PCDHGB3: variants seen among roughly 807,000 people sequenced by gnomAD.
PCDHGB3 encodes protocadherin gamma-B3.
A neutral mutation model predicts 59.2 loss-of-function variants in PCDHGB3; 40 were observed. That is an observed-to-expected ratio of 0.68 (90% CI 0.52 to 0.88). The LOEUF (loss-of-function observed/expected upper bound fraction) is 0.88, where lower values mean the gene tolerates loss of function less well. Among genes scored for constraint, PCDHGB3 ranks in the 40% least tolerant of loss-of-function variants. The pLI, the probability that PCDHGB3 is intolerant of heterozygous loss-of-function variation, is 0.00. For synonymous variants in PCDHGB3, 581 were observed against 503.6 expected (o/e 1.15, Z -2.06); for missense variants, 1,309 against 1,187.9 (o/e 1.10, Z -1.50).
chr5:141,383,085 C>G (rs773972778), intron 1 of PCDHGB3: 15 of 1,613,862 alleles, frequency 9.3e-6, no homozygotes, highest in Non-Finnish European at 1.3e-5. Context: ...TGGCGGAGCG[C>G]GGAGTCCGCA....
At chr5:141,466,508 T>C (rs2099123841) in intron 1 of PCDHGB3, among the ~76,000 whole-genome samples, 1 of 152,190 alleles carries the variant, frequency 6.6e-6, no homozygotes, top group African/African-American at 2.4e-5. Context: ...ACAGACAAGA[T>C]CATTTTTTTT....
chr5:141,375,505 G>A lies in PCDHGB3; in HGVS notation c.2415+2696G>A, dbSNP rs551956324. On this transcript the variant is annotated intron_variant, in intron 1 of 3. Coordinates refer to ENST00000576222, the MANE Select transcript of PCDHGB3 (RefSeq NM_018924.5). The stretch of plus-strand genomic sequence containing the variant: ...CCAGGGGTGCCTCCATCTTCTCTGT[G>A]AATGCACTGGACCCTGACGTGGACC... The A allele has an allele frequency of 1.5e-5, 25 of 1,613,998 alleles. 1 individual carries two copies. The South Asian group carries it at 2.7e-4, about 18-fold the overall frequency.
intron 1 of PCDHGB3, among the ~76,000 whole-genome samples, chr5:141,484,096 G>T (rs539388257): frequency 6.6e-6 from 1 of 152,244 alleles, no homozygotes; most frequent in Non-Finnish European, 1.5e-5. Flanking sequence ...GTCTTCGTTG[G>T]TAATTAACAA....
intron 1 of PCDHGB3, chr5:141,400,237 A>C (rs1375797222): frequency 3.7e-6 from 6 of 1,613,750 alleles, no homozygotes; most frequent in African/African-American, 1.3e-5. Flanking sequence ...CCTGGCCGTG[A>C]TTCTGGCCGT....
In PCDHGB3 at chr5:141,486,959, G is replaced by A. The variant is rs1161675143; in HGVS notation, c.2416-7848G>A. The A allele has an allele frequency of 1.9e-6, 3 of 1,614,098 alleles. No individual in the cohort carries two copies. In the African/African-American group the frequency reaches 4.0e-5, roughly 22 times the overall value. On this transcript the variant is annotated intron_variant, in intron 1 of 3. Transcript: ENST00000576222. The surrounding 1 kb of genome is among the most constrained non-coding windows in gnomAD (Gnocchi z 5.0). ...CCACCTAATCACAAAGGTGACTGCTGTGGACTTGGATTCAGGTTACAATGC... is the reference window on the plus strand; with the variant it reads ...CCACCTAATCACAAAGGTGACTGCTATGGACTTGGATTCAGGTTACAATGC...
chr5:141,398,563 G>A lies in PCDHGB3; in HGVS notation c.2415+25754G>A, dbSNP rs375890903. The A allele has an allele frequency of 2.4e-5, 39 of 1,613,842 alleles. No individual in the cohort carries two copies. The African/African-American group carries it at 3.2e-4, about 13-fold the overall frequency. On this transcript the variant is annotated intron_variant, in intron 1 of 3. Coordinates refer to ENST00000576222, the MANE Select transcript of PCDHGB3 (RefSeq NM_018924.5). Reference sequence around the variant, plus strand: ...CTTTGAGCTGCAAATAAGTGAGTCTGCACAGCCTGGCACAAGATTTATACT... The same window carrying A: ...CTTTGAGCTGCAAATAAGTGAGTCTACACAGCCTGGCACAAGATTTATACT...
At position 141,487,760 on chromosome 5, in the gene PCDHGB3, G is replaced by T; in HGVS notation, c.2416-7047G>T. On this transcript the variant is annotated intron_variant, in intron 1 of 3. Transcript: ENST00000576222. The surrounding 1 kb of genome is among the most constrained non-coding windows in gnomAD (Gnocchi z 5.0). Reference sequence around the variant, plus strand: ...TGTAAGAGGTAACTATGTGGTAGACGCTGTGCTTTGTAACTGTTTCGTGAA... The same window carrying T: ...TGTAAGAGGTAACTATGTGGTAGACTCTGTGCTTTGTAACTGTTTCGTGAA... 1 of 1,545,950 alleles carries T rather than the reference G, an allele frequency of 6.5e-7. No individual in the cohort carries two copies. The highest frequency in any genetic ancestry group is 1.4e-5 in the African/African-American group (1 of 73,162).
At position 141,375,276 on chromosome 5, in the gene PCDHGB3, T is replaced by C. The variant is rs763492378; in HGVS notation, c.2415+2467T>C. On this transcript the variant is annotated intron_variant, in intron 1 of 3. Transcript: ENST00000576222. The stretch of plus-strand genomic sequence containing the variant: ...CTCCCATTTGAATTGGAAAAATCAG[T>C]TGGCAATTATTATCGATTAGTGACA... 10 of 1,613,700 alleles carry C rather than the reference T, an allele frequency of 6.2e-6. No homozygotes were observed. The Admixed American group carries it at 1.3e-4, about 22-fold the overall frequency.
chr5:141,389,223 G>T, intron 1 of PCDHGB3: 3 of 1,613,994 alleles, frequency 1.9e-6, no homozygotes, highest in East Asian at 2.2e-5. Flanking sequence ...AAATGACAAC[G>T]CTCCGGTTTT....
intron 1 of PCDHGB3, among the ~76,000 whole-genome samples, chr5:141,443,035 CTT>C (rs2098359592): frequency 6.6e-6 from 1 of 152,208 alleles, no homozygotes; most frequent in African/African-American, 2.4e-5. Context: ...CAGACCTAAA[CTT>C]TGAAAATTAT....
At position 141,491,462 on chromosome 5, in the gene PCDHGB3, T is replaced by C; in HGVS notation, c.2416-3345T>C. 1.2e-6 allele frequency: 2 copies of C among 1,614,004 alleles called. No individual in the cohort carries two copies. The highest frequency in any genetic ancestry group is 1.7e-6 in the Non-Finnish European group (2 of 1,179,978). ...CGCCAGGACTCACCCTCCCCGGACT[T>C]CTATAAGCAGTCCAGCCCCAACCTG... On this transcript the variant is annotated intron_variant, in intron 1 of 3. Coordinates refer to ENST00000576222, the MANE Select transcript of PCDHGB3 (RefSeq NM_018924.5). This position sits in a 1 kb window ranked among gnomAD's most constrained non-coding sequence, Gnocchi z 6.9.
chr5:141,436,591 G>A (rs903125499), intron 1 of PCDHGB3, among the ~76,000 whole-genome samples: 8 of 152,154 alleles, frequency 5.3e-5, no homozygotes, highest in Non-Finnish European at 1.0e-4. Context: ...TTGAAAGGTC[G>A]TGGTGATGGC....
At chr5:141,408,342 TG>T in intron 1 of PCDHGB3, 1 of 1,613,856 alleles carries the variant, frequency 6.2e-7, no homozygotes, top group Non-Finnish European at 8.5e-7. Context: ...GGCTCGGTGG[TG>T]GGGAACCTCG....
chr5:141,370,363 G>A lies in PCDHGB3; in HGVS notation c.-32G>A. The A allele has an allele frequency of 1.3e-6, 2 of 1,518,634 alleles. No individual in the cohort carries two copies. Among genetic ancestry groups the A allele is most frequent in the South Asian group, 1.3e-5 (1 of 74,430 alleles). 94.1% of individuals were successfully genotyped at this position (1,518,634 alleles called of 1,614,324 possible). ...GATTATTTAAAGATCTCCTCTCCTC[G>A]GATTTAGAAAGGCAAAGGCGCAGAG... On this transcript the variant is annotated 5_prime_UTR_variant, in exon 1 of 4. Coordinates refer to ENST00000576222, the MANE Select transcript of PCDHGB3 (RefSeq NM_018924.5).
chr5:141,428,426 C>T (rs1040765233), intron 1 of PCDHGB3: 1 of 435,172 alleles, frequency 2.3e-6, no homozygotes, highest in African/African-American at 2.0e-5. Context: ...GGTCTCTGTT[C>T]TAAGACTAGA....
At chr5:141,383,304 G>A (rs1779007855) in intron 1 of PCDHGB3, 1 of 1,613,918 alleles carries the variant, frequency 6.2e-7, no homozygotes, top group Non-Finnish European at 8.5e-7. Context: ...GATTCTTGAC[G>A]GAAGAAATAA....
intron 1 of PCDHGB3, chr5:141,392,130 A>T (rs770884253): frequency 6.6e-6 from 1 of 152,238 alleles, no homozygotes; most frequent in African/African-American, 2.4e-5. Context: ...TTGTAAAATG[A>T]TTAAGTAGTT....
chr5:141,420,318 T>C, intron 1 of PCDHGB3: 1 of 1,446,376 alleles, frequency 6.9e-7, no homozygotes, highest in Non-Finnish European at 9.3e-7. Context: ...TATTACAATA[T>C]GCCAATATAT....
intron 1 of PCDHGB3, chr5:141,408,432 T>C (rs370073451): frequency 3.1e-6 from 5 of 1,613,972 alleles, no homozygotes; most frequent in Non-Finnish European, 4.2e-6. Flanking sequence ...CACTTCAGCG[T>C]AGACGCGGAG....
Sources: allele counts gnomAD v4.1 joint callset (sites outside exome capture counted in the v4.1 genomes callset), GRCh38; gene constraint gnomAD v4.1.1; non-coding constraint Gnocchi (gnomAD v3.1); transcripts MANE v1.5; gene names NCBI Gene and HGNC (gene_info 2026-07-23, HGNC 2026-07-21).